Variants in CREB3L2 observed in about 807,000 individuals in gnomAD.
CREB3L2 encodes the protein cAMP responsive element binding protein 3 like 2.
In CREB3L2, 23 loss-of-function variants were observed where a neutral mutation model predicts 57.2. The observed-to-expected ratio is 0.40, with a 90% confidence interval of 0.29 to 0.57. CREB3L2 has a LOEUF of 0.57. CREB3L2 is among the 20% of genes least tolerant of loss of function. CREB3L2 has a pLI of 0.42. For synonymous variants in CREB3L2, 268 were observed against 265.1 expected (o/e 1.01, Z -0.11); for missense variants, 628 against 634.7 (o/e 0.99, Z 0.11).
Position 137,989,093 on chromosome 7 carries a change from G to A in CREB3L2, c.102+12511C>T, listed in dbSNP as rs554031252. Among the ~76,000 whole-genome samples the A allele has an allele frequency of 2.0e-5, 3 of 152,356 alleles. No homozygotes were observed. The South Asian group carries it at 6.2e-4, about 32-fold the overall frequency. On this transcript the variant is annotated intron_variant, in intron 1 of 11. Transcript: ENST00000330387. ...GTCTCCAATGCCAATTTTGAGGACT[G>A]ATATTAATCTTGTTCCAAAAAAATC...
intron 1 of CREB3L2, among the ~76,000 whole-genome samples, chr7:137,929,591 G>T (rs534520278): frequency 1.2e-4 from 18 of 151,786 alleles, no homozygotes; most frequent in Non-Finnish European, 2.4e-4. Flanking sequence ...GGCCAGGCAC[G>T]GTGGCTCATG....
Position 137,885,439 on chromosome 7 carries a change from G to T in CREB3L2, c.1107C>A (p.Cys369Ter). The change falls in exon 9 of 12, where the codon TGC (cysteine) becomes TGA (stop). Residue 369 changes from cysteine to a stop codon, truncating the protein, a stop_gained. Coordinates refer to ENST00000330387, the MANE Select transcript of CREB3L2 (RefSeq NM_194071.4). LOFTEE classifies it high-confidence loss of function. ...TGCCAGTCTGCGTGCCAGCTAACTT[G>T]CAGGTTCGAGAAACCTTGCCCATCA... ...TLVMGKVSRT[C>*]KLAGTQTGTC... 6.2e-7 allele frequency: 1 copy of T among 1,614,148 alleles called. No homozygotes were observed. The highest frequency in any genetic ancestry group is 8.5e-7 in the Non-Finnish European group (1 of 1,180,000).
chr7:137,909,797 T>C lies in CREB3L2; in HGVS notation c.584-1361A>G, dbSNP rs572460162. On this transcript the variant is annotated intron_variant, in intron 4 of 11. Transcript: ENST00000330387. ...CTGTGTCCCCACCCAAATCTCATCT[T>C]GAATTGTAGCTCCCATAATTCCCAC... 2.1e-4 allele frequency among the ~76,000 whole-genome samples: 32 copies of C among 152,316 alleles called. No homozygotes were observed. In the South Asian group the frequency reaches 3.7e-3, roughly 18 times the overall value.
chr7:137,892,228 G>A (rs568753368), intron 8 of CREB3L2, among the ~76,000 whole-genome samples: 1 of 152,006 alleles, frequency 6.6e-6, no homozygotes, highest in South Asian at 2.1e-4. Flanking sequence ...TATTAGTGAG[G>A]TGTATGATGT....
intron 2 of CREB3L2, among the ~76,000 whole-genome samples, chr7:137,923,832 C>T (rs914150697): frequency 1.2e-4 from 18 of 152,292 alleles, no homozygotes; most frequent in African/African-American, 3.8e-4. Context: ...TATCAGTGCA[C>T]ACCTTCCCTG....
intron 2 of CREB3L2, among the ~76,000 whole-genome samples, chr7:137,921,898 G>A (rs1585627083): frequency 6.6e-6 from 1 of 151,670 alleles, no homozygotes; most frequent in East Asian, 1.9e-4. Flanking sequence ...AGCCTCCCAA[G>A]AAGTTGGGAC....
At chr7:137,902,800 TTTA>T (rs1412984250) in intron 7 of CREB3L2, among the ~76,000 whole-genome samples, 1 of 151,736 alleles carries the variant, frequency 6.6e-6, no homozygotes. Flanking sequence ...GTAGTTTTTT[TTTA>T]TTGAGTTGTT....
At chr7:137,961,200 G>T (rs540630919) in intron 1 of CREB3L2, among the ~76,000 whole-genome samples, 2 of 112,448 alleles carry the variant, frequency 1.8e-5, no homozygotes, top group Admixed American at 1.2e-4. Context: ...AAACTGGGGG[G>T]TGGGGGGTGG....
At chr7:137,957,362 T>C (rs931860415) in intron 1 of CREB3L2, among the ~76,000 whole-genome samples, 3 of 152,214 alleles carry the variant, frequency 2.0e-5, no homozygotes. Context: ...TCTTCAAAGA[T>C]GTGACTACAG....
At chr7:137,902,793 G>GT (rs35168928) in intron 7 of CREB3L2, among the ~76,000 whole-genome samples, 112,052 of 150,658 alleles carry the variant, frequency 0.74, 42,241 homozygotes, top group African/African-American at 0.88. Flanking sequence ...TATTGTTGTA[G>GT]TTTTTTTTTA....
intron 1 of CREB3L2, among the ~76,000 whole-genome samples, chr7:137,977,242 G>T (rs1801624355): frequency 6.6e-6 from 1 of 152,176 alleles, no homozygotes; most frequent in Non-Finnish European, 1.5e-5. Context: ...AGTGGGATTA[G>T]CAATAAACCC....
intron 1 of CREB3L2, among the ~76,000 whole-genome samples, chr7:137,948,515 A>G (rs1490581334): frequency 6.6e-6 from 1 of 152,216 alleles, no homozygotes; most frequent in Non-Finnish European, 1.5e-5. Context: ...TGTCCCTACT[A>G]AATTTCTCAC....
chr7:137,987,398 A>AG (rs760903832), intron 1 of CREB3L2, among the ~76,000 whole-genome samples: 145 of 152,324 alleles, frequency 9.5e-4, no homozygotes, highest in Non-Finnish European at 1.9e-3. Flanking sequence ...GCAAAAAAAA[A>AG]CAAAAAACAA....
chr7:137,996,250 A>G (rs981315978), intron 1 of CREB3L2, among the ~76,000 whole-genome samples: 1 of 152,260 alleles, frequency 6.6e-6, no homozygotes, highest in African/African-American at 2.4e-5. Flanking sequence ...GTGAAAGCTT[A>G]TCAAATCTTT....
intron 5 of CREB3L2, among the ~76,000 whole-genome samples, chr7:137,906,677 A>C (rs1769891327): frequency 6.6e-6 from 1 of 152,098 alleles, no homozygotes; most frequent in Admixed American, 6.5e-5. Flanking sequence ...CATAATTCCC[A>C]CGTGTTGTGG....
intron 2 of CREB3L2, chr7:137,922,447 TATATATAC>T (rs1394336035): frequency 3.0e-5 from 3 of 101,348 alleles, no homozygotes; most frequent in African/African-American, 2.6e-4. Flanking sequence ...CGTATATATA[TATATATAC>T]ACACATATAT....
At chr7:137,979,895 C>T (rs1801683355) in intron 1 of CREB3L2, among the ~76,000 whole-genome samples, 1 of 152,144 alleles carries the variant, frequency 6.6e-6, no homozygotes, top group Admixed American at 6.5e-5. Context: ...AACAGATCCC[C>T]AAGAAGGGAT....
At chr7:137,979,893 C>T (rs1390743777) in intron 1 of CREB3L2, among the ~76,000 whole-genome samples, 4 of 152,252 alleles carry the variant, frequency 2.6e-5, no homozygotes, top group African/African-American at 7.2e-5. Context: ...AGAACAGATC[C>T]CCAAGAAGGG....
chr7:137,977,716 T>C (rs1257960152), intron 1 of CREB3L2, among the ~76,000 whole-genome samples: 2 of 151,552 alleles, frequency 1.3e-5, no homozygotes, highest in Non-Finnish European at 2.9e-5. Context: ...AAGTCAGGAG[T>C]TCGAGGCCAG....
Sources: allele counts gnomAD v4.1 joint callset (sites outside exome capture counted in the v4.1 genomes callset), GRCh38; gene constraint gnomAD v4.1.1; transcripts MANE v1.5; gene names NCBI Gene and HGNC (gene_info 2026-07-23, HGNC 2026-07-21).